Variants in MMD observed in about 807,000 individuals in gnomAD.
MMD encodes monocyte to macrophage differentiation factor.
MMD carries 22 observed loss-of-function variants against 33.6 expected under a neutral mutation model. The ratio of observed to expected loss-of-function variants is 0.66; its 90% CI spans 0.47 to 0.94. The LOEUF (loss-of-function observed/expected upper bound fraction) is 0.94, where lower values mean the gene tolerates loss of function less well. Ranked by LOEUF, MMD falls within the 40% of genes least tolerant of loss-of-function variation. The pLI is 0.00. For synonymous variants in MMD, 97 were observed against 103.2 expected (o/e 0.94, Z 0.36); for missense variants, 242 against 309.8 (o/e 0.78, Z 1.64).
chr17:55,414,326 AAAG>A, intron 1 of MMD, 94 bp from the exon 2 acceptor site: 1 of 1,171,212 alleles, frequency 8.5e-7, no homozygotes, highest in East Asian at 2.4e-5. Context: ...TATTCTACGC[AAAG>A]AAGTGACTGG....
Position 55,401,675 on chromosome 17 carries a change from T to C in MMD, c.447-137A>G, listed in dbSNP as rs1399706381. The C allele has an allele frequency of 1.1e-5, 7 of 646,958 alleles. No homozygotes were observed. In the East Asian group the frequency reaches 2.1e-4, roughly 20 times the overall value. 40.1% of individuals were successfully genotyped at this position (646,958 alleles called of 1,614,324 possible). A position where few individuals can be genotyped will look rare whatever the true frequency, so the allele number is the denominator to read the frequency against. ...ATTCAAATAAAACTTTATTTCTCAG[T>C]AGGCAACCACTAGGCCTCTAACTAA... On this transcript the variant is annotated intron_variant, in intron 5 of 6. Coordinates refer to ENST00000262065, the MANE Select transcript of MMD (RefSeq NM_012329.3).
intron 6 of MMD, among the ~76,000 whole-genome samples, chr17:55,395,254 A>G (rs1907056068): frequency 6.6e-6 from 1 of 152,256 alleles, no homozygotes. Flanking sequence ...ACCAAGGCCC[A>G]TCTACAAGAT....
intron 1 of MMD, among the ~76,000 whole-genome samples, chr17:55,414,621 C>A (rs972437676): frequency 7.0e-6 from 1 of 142,408 alleles, no homozygotes; most frequent in South Asian, 2.3e-4. Context: ...AAAAAAAAAA[C>A]GAATTTTTCT....
At chr17:55,400,321 GTGGATCACCTGAGC>G (rs1431005487) in intron 6 of MMD, among the ~76,000 whole-genome samples, 2 of 152,162 alleles carry the variant, frequency 1.3e-5, no homozygotes, top group Non-Finnish European at 2.9e-5. Flanking sequence ...GCCGAGGCAG[GTGGATCACCTGAGC>G]TCAGGAGTTC....
chr17:55,393,470 T>G lies in MMD; in HGVS notation c.*864A>C, dbSNP rs1906992258. On this transcript the variant is annotated 3_prime_UTR_variant, in exon 7 of 7. Transcript: ENST00000262065. ...CAGCAGATGGCCATCACAACAATAC[T>G]GTCATAATACAGAAAAAACATTTAT... is the stretch of plus-strand genomic sequence containing the variant. 6.6e-6 allele frequency: 1 copy of G among 152,562 alleles called. No individual in the cohort carries two copies. Among genetic ancestry groups the G allele is most frequent in the Non-Finnish European group, 1.5e-5 (1 of 68,014 alleles). 9.5% of individuals were successfully genotyped at this position (152,562 alleles called of 1,614,324 possible).
chr17:55,420,341 C>T (rs1908130935), intron 1 of MMD: 1 of 152,230 alleles, frequency 6.6e-6, no homozygotes, highest in African/African-American at 2.4e-5. Context: ...AAAGTCAGAA[C>T]ACTACGGTTC....
intron 6 of MMD, among the ~76,000 whole-genome samples, chr17:55,400,871 C>T (rs1407382064): frequency 6.6e-6 from 1 of 151,834 alleles, no homozygotes; most frequent in Admixed American, 6.6e-5. Flanking sequence ...GGTAATGTTA[C>T]ACTTTACCCA....
Position 55,393,521 on chromosome 17 carries a change from G to T in MMD, c.*813C>A, listed in dbSNP as rs1425466940. 1 of 152,608 alleles carries T rather than the reference G, an allele frequency of 6.6e-6. No individual in the cohort carries two copies. Among genetic ancestry groups the T allele is most frequent in the Admixed American group, 6.5e-5 (1 of 15,278 alleles). The allele number at this position is 152,608 out of a possible 1,614,324, so 9.5% of individuals were successfully genotyped here. A position where few individuals can be genotyped will look rare whatever the true frequency, so the allele number is the denominator to read the frequency against. On this transcript the variant is annotated 3_prime_UTR_variant, in exon 7 of 7. Transcript: ENST00000262065. ...CCACTGTGGAAAGAGACCCTGAAGA[G>T]AATGTGGCAAAGGCATAGAGAAAAA...
At chr17:55,404,165 GC>G (rs1907451323) in intron 4 of MMD, among the ~76,000 whole-genome samples, 1 of 152,040 alleles carries the variant, frequency 6.6e-6, no homozygotes, top group African/African-American at 2.4e-5. Flanking sequence ...GATCAGCCTG[GC>G]CAACATGGTG....
chr17:55,404,677 G>A, intron 4 of MMD: 1 of 984,978 alleles, frequency 1.0e-6, no homozygotes, highest in Non-Finnish European at 1.2e-6. Context: ...CATGTATTAT[G>A]GAAGACATTT....
intron 4 of MMD, among the ~76,000 whole-genome samples, chr17:55,407,514 A>G (rs1335543878): frequency 6.6e-6 from 1 of 152,162 alleles, no homozygotes; most frequent in Non-Finnish European, 1.5e-5. Flanking sequence ...CTTCTTGAAC[A>G]ATCCAATACC....
chr17:55,411,180 C>T, intron 3 of MMD, 77 bp downstream of exon 3: 1 of 1,490,530 alleles, frequency 6.7e-7, no homozygotes, highest in Non-Finnish European at 9.1e-7. Context: ...TTGACTAAAG[C>T]ATGCCAGCTT....
intron 6 of MMD, among the ~76,000 whole-genome samples, chr17:55,394,889 T>C (rs1907043686): frequency 6.6e-6 from 1 of 152,250 alleles, no homozygotes; most frequent in South Asian, 2.1e-4. Flanking sequence ...CCCCTTTAAA[T>C]GCTTCCTTCC....
At chr17:55,408,123 T>C (rs1261025106) in intron 3 of MMD, among the ~76,000 whole-genome samples, 2 of 152,200 alleles carry the variant, frequency 1.3e-5, no homozygotes, top group African/African-American at 4.8e-5. Flanking sequence ...AATCTGTCTT[T>C]TTCTGATGTT....
In MMD at chr17:55,414,201, G is replaced by A. The variant is rs746547063; in HGVS notation, c.58C>T (p.Arg20Cys). The A allele has an allele frequency of 1.1e-5, 17 of 1,613,758 alleles. No homozygotes were observed. Among genetic ancestry groups the A allele is most frequent in the South Asian group, 4.4e-5 (4 of 91,076 alleles). The change falls in exon 2 of 7, where the codon CGC becomes TGC. Residue 20 changes from arginine to cysteine, a missense_variant. Transcript: ENST00000262065. ...FMNHRAPANG[R>C]YKPTCYEHAA... ...TGTTCATAGCAAGTTGGCTTGTAGC[G>A]GCCATTGGCTGGAGCTCGATGGTTC...
chr17:55,421,597 C>G, intron 1 of MMD, 73 bp downstream of exon 1: 1 of 1,580,782 alleles, frequency 6.3e-7, no homozygotes. Context: ...AGCCGGGAGC[C>G]GTGCGCTTAA....
intron 4 of MMD, among the ~76,000 whole-genome samples, chr17:55,406,267 T>C (rs1387960986): frequency 6.6e-6 from 1 of 152,080 alleles, no homozygotes; most frequent in Non-Finnish European, 1.5e-5. Context: ...TGGTGGCACA[T>C]GCCTGTAGCC....
chr17:55,408,950 G>A (rs1429745350), intron 3 of MMD, among the ~76,000 whole-genome samples: 2 of 152,124 alleles, frequency 1.3e-5, no homozygotes, highest in African/African-American at 4.8e-5. Context: ...GCAGTGAGCT[G>A]AGATCGCACC....
chr17:55,420,959 C>T (rs1017621173), intron 1 of MMD, among the ~76,000 whole-genome samples: 2 of 152,092 alleles, frequency 1.3e-5, no homozygotes, highest in Non-Finnish European at 1.5e-5. Context: ...GGCGCCTCCA[C>T]GGTTCCTCCT....
Sources: gnomAD v4.1 joint callset for allele counts (sites outside exome capture counted in the v4.1 genomes callset) on GRCh38, gnomAD v4.1.1 for gene constraint, MANE v1.5 for transcripts, NCBI Gene and HGNC (gene_info 2026-07-23, HGNC 2026-07-21) for gene names.